The following SNTG2 variants were observed in gnomAD, a reference collection of about 807,000 sequenced individuals.
SNTG2 encodes the protein syntrophin gamma 2.
In SNTG2, 74 loss-of-function variants were observed where a neutral mutation model predicts 70.9. The ratio of observed to expected loss-of-function variants is 1.04; its 90% CI spans 0.86 to 1.27. The LOEUF (loss-of-function observed/expected upper bound fraction) is 1.27, where lower values mean the gene tolerates loss of function less well. SNTG2 is among the 50% of genes most tolerant of loss of function. The pLI is 0.00. For synonymous variants in SNTG2, 278 were observed against 273.8 expected (o/e 1.02, Z -0.15); for missense variants, 717 against 690.7 (o/e 1.04, Z -0.43).
At chr2:1,136,482 C>G (rs1376822126) in intron 4 of SNTG2, among the ~76,000 whole-genome samples, 1 of 152,100 alleles carries the variant, frequency 6.6e-6, no homozygotes, top group African/African-American at 2.4e-5. Flanking sequence ...CGCTTAACAT[C>G]AGTACCATTG....
intron 7 of SNTG2, among the ~76,000 whole-genome samples, chr2:1,171,493 A>G (rs1430966002): frequency 6.6e-6 from 1 of 152,236 alleles, no homozygotes; most frequent in African/African-American, 2.4e-5. Flanking sequence ...AGAATTTCAA[A>G]TAGATAACAG....
chr2:1,053,171 A>G (rs890901985), intron 1 of SNTG2, among the ~76,000 whole-genome samples: 3 of 152,228 alleles, frequency 2.0e-5, no homozygotes, highest in African/African-American at 7.2e-5. Flanking sequence ...AACAGACATC[A>G]GTCAGCTTCC....
intron 7 of SNTG2, among the ~76,000 whole-genome samples, chr2:1,168,393 C>T (rs1327494082): frequency 6.6e-6 from 1 of 152,244 alleles, no homozygotes; most frequent in Non-Finnish European, 1.5e-5. Context: ...CTGGAAACAT[C>T]CACCCCTAGA....
intron 16 of SNTG2, among the ~76,000 whole-genome samples, chr2:1,361,031 CTCAG>C (rs1218515783): frequency 6.6e-6 from 1 of 152,206 alleles, no homozygotes; most frequent in Non-Finnish European, 1.5e-5. Flanking sequence ...CATCCATCAA[CTCAG>C]TCAGCTCAGA....
intron 16 of SNTG2, among the ~76,000 whole-genome samples, chr2:1,365,511 C>T (rs1240479572): frequency 2.0e-5 from 3 of 152,144 alleles, no homozygotes; most frequent in Non-Finnish European, 1.5e-5. Context: ...CCCAATGTCC[C>T]CCAGTGTTCT....
At chr2:1,168,610 G>C (rs921708546) in intron 7 of SNTG2, among the ~76,000 whole-genome samples, 10 of 152,330 alleles carry the variant, frequency 6.6e-5, no homozygotes, top group Admixed American at 2.6e-4. Flanking sequence ...TGAGCAACCA[G>C]GAACAAATCC....
At chr2:1,235,569 T>G (rs1676586695) in intron 9 of SNTG2, among the ~76,000 whole-genome samples, 1 of 98,214 alleles carries the variant, frequency 1.0e-5, no homozygotes, top group Non-Finnish European at 2.0e-5. Flanking sequence ...CACCCCCGAT[T>G]CATGAGAGGG....
At position 1,208,979 on chromosome 2, in the gene SNTG2, T is replaced by A. The variant is rs181004342; in HGVS notation, c.592-124T>A. On this transcript the variant is annotated intron_variant, in intron 8 of 16. Transcript: ENST00000308624. ...CCAGATCTTTCAGAAACAACCTCAC[T>A]TGCTTTTTTATCAGTTGAAATGTGT... 1,484 of 1,153,008 alleles carry A rather than the reference T, an allele frequency of 1.3e-3. 23 individuals are homozygous for A. The African/African-American group carries it at 0.022, about 17-fold the overall frequency. The allele number at this position is 1,153,008 out of a possible 1,614,324, so 71.4% of individuals were successfully genotyped here.
At chr2:1,155,187 T>C (rs62654140) in intron 6 of SNTG2, among the ~76,000 whole-genome samples, 128,421 of 149,472 alleles carry the variant, frequency 0.86, 55,169 homozygotes, top group Middle Eastern at 0.95. Flanking sequence ...CCCACACACA[T>C]ATATAGACCA....
chr2:1,117,105 G>A (rs1208270393), intron 4 of SNTG2, among the ~76,000 whole-genome samples: 3 of 151,898 alleles, frequency 2.0e-5, no homozygotes, highest in Non-Finnish European at 4.4e-5. Context: ...AGGTGCCCCG[G>A]TGTACGGGTG....
At chr2:1,364,737 C>CAAAAA (rs371977526) in intron 16 of SNTG2, among the ~76,000 whole-genome samples, 1 of 132,016 alleles carries the variant, frequency 7.6e-6, no homozygotes, top group Non-Finnish European at 1.6e-5. Flanking sequence ...CTAAAAATAC[C>CAAAAA]AAAAAAAAAA....
intron 1 of SNTG2, among the ~76,000 whole-genome samples, chr2:1,036,495 A>G (rs1037882853): frequency 6.6e-6 from 1 of 152,252 alleles, no homozygotes; most frequent in Admixed American, 6.5e-5. Context: ...TTTTCAAAGA[A>G]AATTGACACT....
chr2:981,802 C>T (rs1661107685), intron 1 of SNTG2, among the ~76,000 whole-genome samples: 1 of 152,166 alleles, frequency 6.6e-6, no homozygotes, highest in Non-Finnish European at 1.5e-5. Flanking sequence ...ACATGTATAC[C>T]ATGCACATGA....
intron 1 of SNTG2, 54 bp from the exon 2 acceptor site, chr2:1,083,453 ACCTATCCCCAC>A: frequency 4.4e-6 from 7 of 1,583,688 alleles, no homozygotes; most frequent in Non-Finnish European, 6.1e-6. Context: ...GGCGTGCGTC[ACCTATCCCCAC>A]CCCTGGCTCC....
chr2:1,065,862 G>A (rs1254379409), intron 1 of SNTG2, among the ~76,000 whole-genome samples: 1 of 152,108 alleles, frequency 6.6e-6, no homozygotes, highest in Non-Finnish European at 1.5e-5. Context: ...TTTGGATTTT[G>A]GTGAGAAACT....
chr2:1,254,741 C>G (rs1677949076), intron 12 of SNTG2, among the ~76,000 whole-genome samples: 1 of 152,178 alleles, frequency 6.6e-6, no homozygotes, highest in South Asian at 2.1e-4. Flanking sequence ...AGAAAATTGT[C>G]AATTGCCATT....
intron 9 of SNTG2, among the ~76,000 whole-genome samples, chr2:1,221,866 TC>T: frequency 4.9e-5 from 1 of 20,326 alleles, no homozygotes; most frequent in African/African-American, 3.5e-4. Flanking sequence ...TCTGTCTCTG[TC>T]TCTCTCTCTC....
At chr2:1,285,836 G>A (rs1679741722) in intron 14 of SNTG2, among the ~76,000 whole-genome samples, 1 of 152,090 alleles carries the variant, frequency 6.6e-6, no homozygotes, top group South Asian at 2.1e-4. Context: ...TGAAGGGTCT[G>A]GACCATTTGT....
intron 14 of SNTG2, among the ~76,000 whole-genome samples, chr2:1,293,578 C>T (rs1680077705): frequency 6.6e-6 from 1 of 151,992 alleles, no homozygotes; most frequent in African/African-American, 2.4e-5. Flanking sequence ...TATTTTCTAG[C>T]TTCCCTTGTG....
Sources: gnomAD v4.1 joint callset for allele counts (sites outside exome capture counted in the v4.1 genomes callset) on GRCh38, gnomAD v4.1.1 for gene constraint, MANE v1.5 for transcripts, NCBI Gene and HGNC (gene_info 2026-07-23, HGNC 2026-07-21) for gene names.